Variants in PRSS23 observed in about 807,000 individuals in gnomAD.
The protein encoded by PRSS23 is protease, serine 23.
PRSS23 carries 25 observed loss-of-function variants against 34.7 expected under a neutral mutation model. That is an observed-to-expected ratio of 0.72 (90% CI 0.53 to 1.01). The LOEUF is 1.01. PRSS23 is among the 50% of genes least tolerant of loss of function. The pLI is 0.00. For synonymous variants in PRSS23, 176 were observed against 186.6 expected (o/e 0.94, Z 0.46); for missense variants, 445 against 475.6 (o/e 0.94, Z 0.60).
intron 2 of PRSS23, among the ~76,000 whole-genome samples, chr11:86,876,173 G>C (rs1948722794): frequency 6.9e-6 from 1 of 145,774 alleles, no homozygotes; most frequent in African/African-American, 2.6e-5. Context: ...AGATTGCATA[G>C]TGGCGGGTGA....
intron 2 of PRSS23, among the ~76,000 whole-genome samples, chr11:86,847,239 G>C (rs966536482): frequency 2.6e-5 from 4 of 152,160 alleles, no homozygotes; most frequent in South Asian, 4.1e-4. Flanking sequence ...CTAATTCAGA[G>C]ATTTCTCCTT....
intron 2 of PRSS23, among the ~76,000 whole-genome samples, chr11:86,938,416 T>G (rs1392884634): frequency 6.6e-6 from 1 of 152,042 alleles, no homozygotes; most frequent in Non-Finnish European, 1.5e-5. Context: ...ACTTGAAGAA[T>G]GAGCAGAAGG....
At chr11:86,929,339 A>C (rs950404848) in intron 2 of PRSS23, among the ~76,000 whole-genome samples, 4 of 150,522 alleles carry the variant, frequency 2.7e-5, no homozygotes, top group Non-Finnish European at 5.9e-5. Flanking sequence ...AAAAAACAAA[A>C]AAAAAAACCC....
chr11:86,818,239 G>A (rs1449356244), intron 1 of PRSS23, among the ~76,000 whole-genome samples: 1 of 152,158 alleles, frequency 6.6e-6, no homozygotes, highest in African/African-American at 2.4e-5. Flanking sequence ...AATCATGTGT[G>A]ATTTGATTCA....
intron 2 of PRSS23, among the ~76,000 whole-genome samples, chr11:86,844,004 G>T (rs1399631495): frequency 6.6e-6 from 1 of 152,118 alleles, no homozygotes; most frequent in East Asian, 1.9e-4. Context: ...CCAAAGACTT[G>T]GAACCAACCC....
chr11:86,887,574 A>G (rs1948811338), intron 2 of PRSS23, among the ~76,000 whole-genome samples: 3 of 152,208 alleles, frequency 2.0e-5, no homozygotes, highest in South Asian at 2.1e-4. Context: ...TAAAAAGTCA[A>G]ATAGTCCTGA....
At chr11:86,794,486 A>G (rs1947968986) in intron 1 of PRSS23, among the ~76,000 whole-genome samples, 1 of 152,178 alleles carries the variant, frequency 6.6e-6, no homozygotes, top group Non-Finnish European at 1.5e-5. Flanking sequence ...TCTAAGTAGG[A>G]TTAGAGTAAA....
intron 2 of PRSS23, among the ~76,000 whole-genome samples, chr11:86,888,436 G>A (rs996811773): frequency 6.6e-6 from 1 of 152,162 alleles, no homozygotes; most frequent in African/African-American, 2.4e-5. Context: ...CCTCTAAGGA[G>A]AATCACTCTA....
At chr11:86,828,722 TGTAAA>T (rs1948324829) in intron 2 of PRSS23, among the ~76,000 whole-genome samples, 1 of 152,210 alleles carries the variant, frequency 6.6e-6, no homozygotes, top group South Asian at 2.1e-4. Flanking sequence ...TTTGCTCGTC[TGTAAA>T]GTATTTTATT....
chr11:86,796,734 T>C (rs1231742157), upstream of PRSS23, among the ~76,000 whole-genome samples: 1 of 152,092 alleles, frequency 6.6e-6, no homozygotes, highest in Admixed American at 6.5e-5. Flanking sequence ...TAGATACAAT[T>C]TAGTCCTAGT....
chr11:86,943,500 T>C (rs1949219505), intron 2 of PRSS23, among the ~76,000 whole-genome samples: 1 of 152,008 alleles, frequency 6.6e-6, no homozygotes, highest in Non-Finnish European at 1.5e-5. Context: ...GGCAGGTGCC[T>C]GTAATCCCAG....
intron 2 of PRSS23, among the ~76,000 whole-genome samples, chr11:86,851,266 A>G (rs548882423): frequency 6.6e-6 from 1 of 152,322 alleles, no homozygotes; most frequent in East Asian, 1.9e-4. Context: ...CCAAACTCCA[A>G]ATTTATGACT....
chr11:86,799,823 A>G (rs1489629229), upstream of PRSS23, among the ~76,000 whole-genome samples: 2 of 152,062 alleles, frequency 1.3e-5, no homozygotes, highest in Non-Finnish European at 2.9e-5. Flanking sequence ...TGGGCTCCCC[A>G]GCCACCGCCG....
At chr11:86,935,655 C>T (rs1480491509) in intron 2 of PRSS23, 2 of 152,060 alleles carry the variant, frequency 1.3e-5, no homozygotes, top group Non-Finnish European at 2.9e-5. Context: ...GTAATTACCC[C>T]AATGACTCTA....
At chr11:86,929,269 C>G (rs1017454203) in intron 2 of PRSS23, among the ~76,000 whole-genome samples, 1 of 151,362 alleles carries the variant, frequency 6.6e-6, no homozygotes, top group African/African-American at 2.4e-5. Context: ...TTGCGGTGAG[C>G]CAAGATCGCG....
chr11:86,929,056 T>C (rs568071979), intron 2 of PRSS23, among the ~76,000 whole-genome samples: 1 of 152,172 alleles, frequency 6.6e-6, no homozygotes, highest in Admixed American at 6.5e-5. Flanking sequence ...GTGCGGTGCC[T>C]CGTGCCTGTA....
At chr11:86,843,577 A>G (rs1381001847) in intron 2 of PRSS23, among the ~76,000 whole-genome samples, 1 of 151,852 alleles carries the variant, frequency 6.6e-6, no homozygotes, top group African/African-American at 2.4e-5. Flanking sequence ...ATTTACAAGA[A>G]AAAAAGCCCC....
rs1256022494 is a variant in PRSS23 at position 86,923,346 on chromosome 11, C to T, written c.207-27870C>T. Among the ~76,000 whole-genome samples, 7 of 151,992 alleles carry T rather than the reference C, an allele frequency of 4.6e-5. 1 individual carries two copies. Among genetic ancestry groups the T allele is most frequent in the Admixed American group, 4.6e-4 (7 of 15,252 alleles). ...CTTGCCGTGTTGCCTAGGGTGGTCT[C>T]GAACTCAAGTGATCCTCCCACCTAA... On this transcript the variant is annotated intron_variant, in intron 2 of 2. Coordinates refer to the PRSS23 transcript ENST00000533902.
chr11:86,820,773 G>A (rs1221693498), intron 1 of PRSS23, among the ~76,000 whole-genome samples: 3 of 152,112 alleles, frequency 2.0e-5, no homozygotes, highest in Non-Finnish European at 4.4e-5. Flanking sequence ...TACCTCTTTA[G>A]TAAAGGGCTT....
Sources: allele counts gnomAD v4.1 joint callset (sites outside exome capture counted in the v4.1 genomes callset), GRCh38; gene constraint gnomAD v4.1.1; transcripts MANE v1.5; gene names NCBI Gene and HGNC (gene_info 2026-07-23, HGNC 2026-07-21).